The following NDUFS4 variants were observed in gnomAD, a reference collection of about 807,000 sequenced individuals.
The protein encoded by NDUFS4 is NADH dehydrogenase [ubiquinone] iron-sulfur protein 4, mitochondrial.
A neutral mutation model predicts 24.3 loss-of-function variants in NDUFS4; 28 were observed. The observed-to-expected ratio is 1.15, with a 90% CI of 0.85 to 1.58. NDUFS4 has a LOEUF of 1.58. Among genes scored for constraint, NDUFS4 ranks in the 40% most tolerant of loss-of-function variants. The pLI is 0.00. For missense variants in NDUFS4, 223 were observed against 207.9 expected (o/e 1.07, Z -0.45); for synonymous variants, 93 against 69.7 (o/e 1.34, Z -1.67).
At chr5:53,681,796 A>AAAG (rs1286543818) in intron 4 of NDUFS4, among the ~76,000 whole-genome samples, 7 of 152,110 alleles carry the variant, frequency 4.6e-5, no homozygotes, top group East Asian at 3.9e-4. Flanking sequence ...AAGTAGATTA[A>AAAG]AAGTTTAAAT....
chr5:53,660,507 A>AT (rs1353292222), intron 4 of NDUFS4, among the ~76,000 whole-genome samples: 1 of 152,134 alleles, frequency 6.6e-6, no homozygotes, highest in African/African-American at 2.4e-5. Context: ...TCCTTTGGGT[A>AT]TATACCCAGT....
intron 4 of NDUFS4, among the ~76,000 whole-genome samples, chr5:53,664,465 C>T (rs1169076333): frequency 3.3e-5 from 5 of 152,216 alleles, no homozygotes; most frequent in African/African-American, 7.2e-5. Flanking sequence ...CTTTCAGGTA[C>T]ACCAATCAGA....
At chr5:53,581,847 A>G (rs1749576530) in intron 1 of NDUFS4, among the ~76,000 whole-genome samples, 1 of 152,222 alleles carries the variant, frequency 6.6e-6, no homozygotes, top group African/African-American at 2.4e-5. Context: ...TTGATATAAA[A>G]CAAGAGTTAA....
intron 2 of NDUFS4, among the ~76,000 whole-genome samples, chr5:53,627,998 G>GTATGATAT (rs1751283213): frequency 6.6e-6 from 1 of 152,130 alleles, no homozygotes. Flanking sequence ...TGCCCATTCA[G>GTATGATAT]TATGATATTG....
rs550622178 is a variant in NDUFS4, at chr5:53,678,500, A to G, written c.425-4618A>G. On this transcript the variant is annotated intron_variant, in intron 4 of 4. Transcript: ENST00000296684. Reference sequence around the variant, plus strand: ...TTGCTTTGATCTTCTTCTGTCGCACAGCTGAGAAGAGCAAGGGGCTGGTTT... The same window carrying G: ...TTGCTTTGATCTTCTTCTGTCGCACGGCTGAGAAGAGCAAGGGGCTGGTTT... 3.3e-5 allele frequency among the ~76,000 whole-genome samples: 5 copies of G among 152,278 alleles called. No homozygotes were observed. In the South Asian group the frequency reaches 1.0e-3, roughly 32 times the overall value.
At chr5:53,603,090 T>C (rs1220911739) in intron 1 of NDUFS4, among the ~76,000 whole-genome samples, 1 of 152,134 alleles carries the variant, frequency 6.6e-6, no homozygotes, top group African/African-American at 2.4e-5. Context: ...CGTTTAAGAA[T>C]CAGTGTTCCA....
At chr5:53,606,685 A>G (rs1042431070) in intron 2 of NDUFS4, among the ~76,000 whole-genome samples, 1 of 152,176 alleles carries the variant, frequency 6.6e-6, no homozygotes, top group Admixed American at 6.5e-5. Flanking sequence ...TTAAATAACC[A>G]GATCCCATAA....
chr5:53,639,054 T>C (rs1483453528), intron 2 of NDUFS4, among the ~76,000 whole-genome samples: 1 of 151,986 alleles, frequency 6.6e-6, no homozygotes, highest in African/African-American at 2.4e-5. Context: ...GGCAAACCAG[T>C]TATTTTACTT....
chr5:53,653,273 C>T (rs966288266), intron 3 of NDUFS4, among the ~76,000 whole-genome samples: 12 of 152,160 alleles, frequency 7.9e-5, no homozygotes, highest in Admixed American at 5.9e-4. Flanking sequence ...TGTGCACAAA[C>T]GTAGATGTTG....
intron 3 of NDUFS4, 144 bp from the exon 4 acceptor site, chr5:53,658,407 A>G: frequency 1.6e-6 from 1 of 608,998 alleles, no homozygotes; most frequent in Non-Finnish European, 2.9e-6. Flanking sequence ...TCCAACTAAC[A>G]GTTTTAAAGA....
chr5:53,631,376 A>G (rs966412122), intron 2 of NDUFS4, among the ~76,000 whole-genome samples: 3 of 152,140 alleles, frequency 2.0e-5, no homozygotes, highest in African/African-American at 4.8e-5. Context: ...GACCCACTTG[A>G]GGAGGCAGTC....
chr5:53,623,690 C>A (rs1221068532), intron 2 of NDUFS4, among the ~76,000 whole-genome samples: 1 of 151,996 alleles, frequency 6.6e-6, no homozygotes, highest in Non-Finnish European at 1.5e-5. Flanking sequence ...TTTAGCTCTT[C>A]CATTGAGGTC....
At chr5:53,561,114 C>T (rs1748828595) in intron 1 of NDUFS4, among the ~76,000 whole-genome samples, 1 of 152,116 alleles carries the variant, frequency 6.6e-6, no homozygotes, top group African/African-American at 2.4e-5. Context: ...TTTCTGCATC[C>T]CTTCCATTTG....
chr5:53,659,031 T>G (rs554538249), intron 4 of NDUFS4, among the ~76,000 whole-genome samples: 1 of 152,144 alleles, frequency 6.6e-6, no homozygotes, highest in South Asian at 2.1e-4. Flanking sequence ...ATCTAGTCTA[T>G]TAATCTATTT....
chr5:53,594,223 A>G (rs1750061777), intron 1 of NDUFS4, among the ~76,000 whole-genome samples: 1 of 152,262 alleles, frequency 6.6e-6, no homozygotes, highest in African/African-American at 2.4e-5. Flanking sequence ...TTTTCTTGTT[A>G]GGTACATACA....
intron 1 of NDUFS4, among the ~76,000 whole-genome samples, chr5:53,587,419 G>C (rs1481303969): frequency 1.3e-5 from 2 of 151,984 alleles, no homozygotes; most frequent in African/African-American, 2.4e-5. Flanking sequence ...ATGGTTAGTG[G>C]TTAGTATTTT....
chr5:53,631,250 C>T (rs1579897853), intron 2 of NDUFS4, among the ~76,000 whole-genome samples: 2 of 152,320 alleles, frequency 1.3e-5, no homozygotes, highest in South Asian at 4.1e-4. Flanking sequence ...GATCCTTCCT[C>T]TGGAAGCTTC....
At chr5:53,659,693 A>C (rs1400682604) in intron 4 of NDUFS4, among the ~76,000 whole-genome samples, 1 of 152,200 alleles carries the variant, frequency 6.6e-6, no homozygotes, top group Non-Finnish European at 1.5e-5. Flanking sequence ...GGCAGTATAT[A>C]AAAATAAGAA....
chr5:53,636,992 G>T (rs1190825525), intron 2 of NDUFS4, among the ~76,000 whole-genome samples: 1 of 152,110 alleles, frequency 6.6e-6, no homozygotes, highest in Non-Finnish European at 1.5e-5. Flanking sequence ...CCAGTTTCAG[G>T]TATTACTTTA....
Sources: gnomAD v4.1 joint callset for allele counts (sites outside exome capture counted in the v4.1 genomes callset) on GRCh38, gnomAD v4.1.1 for gene constraint, MANE v1.5 for transcripts, NCBI Gene and HGNC (gene_info 2026-07-23, HGNC 2026-07-21) for gene names.